The following PAN3 variants were observed in gnomAD, a reference collection of about 807,000 sequenced individuals.
PAN3 encodes PAN2-PAN3 deadenylation complex subunit PAN3.
A neutral mutation model predicts 96.2 loss-of-function variants in PAN3; 19 were observed. The ratio of observed to expected loss-of-function variants is 0.20; its 90% CI spans 0.14 to 0.29. The LOEUF is 0.29. PAN3 is among the 10% of genes least tolerant of loss of function. The pLI is 1.00. For missense variants in PAN3, 882 were observed against 1,108.1 expected (o/e 0.80, Z 2.90); for synonymous variants, 433 against 406.6 (o/e 1.06, Z -0.78).
chr13:28,212,075 TGATGTGAATTCAG>T (rs1291457216), intron 5 of PAN3, among the ~76,000 whole-genome samples: 1 of 152,206 alleles, frequency 6.6e-6, no homozygotes, highest in Non-Finnish European at 1.5e-5. Context: ...AATCTTTAGC[TGATGTGAATTCAG>T]GATGTGAATG....
intron 6 of PAN3, among the ~76,000 whole-genome samples, chr13:28,239,198 C>G (rs1883407701): frequency 8.7e-6 from 1 of 115,140 alleles, no homozygotes; most frequent in Non-Finnish European, 1.7e-5. Context: ...CGCATGCACA[C>G]ACGCACACAC....
intron 7 of PAN3, among the ~76,000 whole-genome samples, chr13:28,257,700 TA>T (rs1229668931): frequency 1.5e-5 from 2 of 137,644 alleles, no homozygotes; most frequent in African/African-American, 5.5e-5. Context: ...AAATATATAT[TA>T]TATATATTAT....
intron 3 of PAN3, among the ~76,000 whole-genome samples, chr13:28,176,800 A>C (rs8002742): frequency 0.038 from 5,724 of 152,084 alleles, 333 homozygotes; most frequent in African/African-American, 0.13. Flanking sequence ...TGAGCCCAGG[A>C]GTTTGAAACC....
rs374762738 is a variant in PAN3, at chr13:28,173,774, AG to A, written c.431-497del. 1.2e-4 allele frequency among the ~76,000 whole-genome samples: 18 copies of A among 152,330 alleles called. No homozygotes were observed. The South Asian group carries it at 1.2e-3, about 11-fold the overall frequency. Reference sequence around the variant, plus strand: ...AGTATCATCCTACCCTAAACTCTAAAGAGAACTATCAGTATTCCTGAATGCC... The same window carrying A: ...AGTATCATCCTACCCTAAACTCTAAAAGAACTATCAGTATTCCTGAATGCC... On this transcript the variant is annotated intron_variant, in intron 1 of 18. Transcript: ENST00000380958.
At chr13:28,259,025 G>A (rs1368202555) in intron 7 of PAN3, among the ~76,000 whole-genome samples, 1 of 152,088 alleles carries the variant, frequency 6.6e-6, no homozygotes, top group Non-Finnish European at 1.5e-5. Context: ...AGAACCCAGG[G>A]ATACAGAAGG....
intron 17 of PAN3, among the ~76,000 whole-genome samples, chr13:28,283,790 G>A (rs1472697521): frequency 1.3e-5 from 2 of 152,126 alleles, no homozygotes; most frequent in Non-Finnish European, 2.9e-5. Flanking sequence ...CTTGAACAAA[G>A]GTTGCGTAAT....
intron 17 of PAN3, among the ~76,000 whole-genome samples, chr13:28,282,340 G>T (rs1439320298): frequency 4.2e-5 from 6 of 143,732 alleles, no homozygotes; most frequent in South Asian, 2.2e-4. Flanking sequence ...TTGAGGGGTT[G>T]TTTTTTTTTT....
chr13:28,272,932 C>T (rs1244429447), intron 14 of PAN3, among the ~76,000 whole-genome samples: 4 of 152,160 alleles, frequency 2.6e-5, no homozygotes, highest in Non-Finnish European at 4.4e-5. Context: ...ATTTAGGAAA[C>T]GTGTCCTAAG....
chr13:28,225,884 C>G (rs925320706), intron 6 of PAN3, among the ~76,000 whole-genome samples: 1 of 152,202 alleles, frequency 6.6e-6, no homozygotes, highest in Non-Finnish European at 1.5e-5. Context: ...AAGTATTATT[C>G]AGTTCAACGA....
chr13:28,158,904 A>G (rs1872557137), intron 1 of PAN3, among the ~76,000 whole-genome samples: 1 of 151,802 alleles, frequency 6.6e-6, no homozygotes, highest in African/African-American at 2.4e-5. Context: ...GCTCAACGTC[A>G]CTAATCATTA....
intron 1 of PAN3, among the ~76,000 whole-genome samples, chr13:28,142,606 A>G (rs1207194447): frequency 6.7e-6 from 1 of 148,774 alleles, no homozygotes; most frequent in African/African-American, 2.5e-5. Flanking sequence ...AGGTTTCCCC[A>G]TGTTGCCCAG....
At chr13:28,280,711 G>A (rs1327042031) in intron 16 of PAN3, among the ~76,000 whole-genome samples, 170 bp downstream of exon 16, 4 of 151,676 alleles carry the variant, frequency 2.6e-5, no homozygotes, top group Non-Finnish European at 5.9e-5. Flanking sequence ...ACAGGTGTAC[G>A]CCACCACACC....
rs1051305711 is a variant in PAN3, at chr13:28,235,255, A to G, written c.1000+14877A>G. Among the ~76,000 whole-genome samples the G allele has an allele frequency of 3.9e-4, 60 of 152,302 alleles. 1 individual carries two copies. The highest frequency in any genetic ancestry group is 2.5e-3 in the Admixed American group (38 of 15,300). ...TGTCACTTATAAAAAAAGGCCTTTG[A>G]CAATGTAAAGGAAGTTTCCCACCAT... On this transcript the variant is annotated intron_variant, in intron 6 of 18. Coordinates refer to ENST00000380958, the MANE Select transcript of PAN3 (RefSeq NM_175854.8).
intron 1 of PAN3, among the ~76,000 whole-genome samples, chr13:28,154,069 G>T (rs1871759991): frequency 1.3e-5 from 2 of 152,158 alleles, no homozygotes; most frequent in Admixed American, 1.3e-4. Flanking sequence ...ATATTTTTCG[G>T]TGAGTATTCA....
intron 1 of PAN3, among the ~76,000 whole-genome samples, chr13:28,157,003 A>C (rs1872262152): frequency 6.7e-6 from 1 of 150,272 alleles, no homozygotes; most frequent in African/African-American, 2.5e-5. Context: ...AAAAAAAAAA[A>C]AAAAAAAAAA....
rs534234249 is a variant in PAN3 at position 28,214,838 on chromosome 13, G to C, written c.853-5393G>C. 5.2e-5 allele frequency: 35 copies of C among 676,190 alleles called. No homozygotes were observed. In the Admixed American group the frequency reaches 6.1e-4, roughly 12 times the overall value. 41.9% of individuals were successfully genotyped at this position (676,190 alleles called of 1,614,324 possible). On this transcript the variant is annotated intron_variant, in intron 5 of 18. Coordinates refer to ENST00000380958, the MANE Select transcript of PAN3 (RefSeq NM_175854.8). The stretch of plus-strand genomic sequence containing the variant: ...AAAACATGATTACTGGGACATCTCA[G>C]GCTGACTGTGCTGTACTGATTATTG...
chr13:28,253,667 A>G (rs970423388), intron 6 of PAN3, among the ~76,000 whole-genome samples: 18 of 149,214 alleles, frequency 1.2e-4, no homozygotes, highest in African/African-American at 4.2e-4. Context: ...GTGGCTGTTC[A>G]TGGGCGCTTT....
chr13:28,228,758 C>G (rs987240270), intron 6 of PAN3, among the ~76,000 whole-genome samples: 1 of 152,116 alleles, frequency 6.6e-6, no homozygotes, highest in Non-Finnish European at 1.5e-5. Context: ...TATTCATCAG[C>G]TGCTCTCTCC....
chr13:28,142,285 C>T (rs1336729300), intron 1 of PAN3, among the ~76,000 whole-genome samples: 1 of 152,102 alleles, frequency 6.6e-6, no homozygotes, highest in Admixed American at 6.6e-5. Flanking sequence ...AGACTGCTTT[C>T]TACCTTTTAC....
Sources: gnomAD v4.1 joint callset for allele counts (sites outside exome capture counted in the v4.1 genomes callset) on GRCh38, gnomAD v4.1.1 for gene constraint, MANE v1.5 for transcripts, NCBI Gene and HGNC (gene_info 2026-07-23, HGNC 2026-07-21) for gene names.